The following B3GLCT variants were observed in gnomAD, a reference collection of about 807,000 sequenced individuals.
B3GLCT encodes beta 3-glucosyltransferase.
A neutral mutation model predicts 63.4 loss-of-function variants in B3GLCT; 65 were observed. That is an observed-to-expected ratio of 1.03 (90% CI 0.84 to 1.26). The LOEUF is 1.26. B3GLCT is among the 50% of genes most tolerant of loss of function. The pLI, the probability that B3GLCT is intolerant of heterozygous loss-of-function variation, is 0.00. For synonymous variants in B3GLCT, 233 were observed against 219.2 expected (o/e 1.06, Z -0.55); for missense variants, 577 against 604.8 (o/e 0.95, Z 0.48).
intron 4 of B3GLCT, among the ~76,000 whole-genome samples, chr13:31,243,829 G>A (rs969732974): frequency 4.6e-5 from 7 of 152,170 alleles, no homozygotes; most frequent in Admixed American, 4.6e-4. Flanking sequence ...GCTGATAAAG[G>A]CAGACTTTAA....
chr13:31,242,637 A>C (rs1344445340), intron 4 of B3GLCT, among the ~76,000 whole-genome samples: 5 of 152,240 alleles, frequency 3.3e-5, no homozygotes, highest in Non-Finnish European at 2.9e-5. Flanking sequence ...GATTCAAAGG[A>C]ATTTGGCTCC....
intron 12 of B3GLCT, among the ~76,000 whole-genome samples, chr13:31,290,772 A>G (rs184477276): frequency 6.6e-5 from 10 of 152,156 alleles, no homozygotes; most frequent in Non-Finnish European, 2.9e-5. Context: ...TCTTTGTCAG[A>G]TGGATAGATT....
intron 14 of B3GLCT, among the ~76,000 whole-genome samples, chr13:31,325,804 G>C (rs1049787249): frequency 1.3e-5 from 2 of 152,170 alleles, no homozygotes; most frequent in African/African-American, 4.8e-5. Flanking sequence ...AGAAATATGA[G>C]GCAAAGAGAT....
At chr13:31,287,317 G>A (rs1378145465) in intron 12 of B3GLCT, among the ~76,000 whole-genome samples, 2 of 152,086 alleles carry the variant, frequency 1.3e-5, no homozygotes, top group Non-Finnish European at 2.9e-5. Context: ...CCCGATGCTG[G>A]GGAAAGACCC....
intron 12 of B3GLCT, 133 bp from the exon 13 acceptor site, chr13:31,317,433 A>G: frequency 9.7e-7 from 1 of 1,031,948 alleles, no homozygotes; most frequent in East Asian, 2.4e-5. Flanking sequence ...TTTATAAGTC[A>G]CTCAAATTTC....
At chr13:31,309,639 G>A (rs920572258) in intron 12 of B3GLCT, among the ~76,000 whole-genome samples, 5 of 152,336 alleles carry the variant, frequency 3.3e-5, no homozygotes, top group African/African-American at 1.2e-4. Context: ...ATGAAGAGAT[G>A]TGTAGGGCAA....
intron 12 of B3GLCT, 52 bp from the exon 13 acceptor site, chr13:31,317,514 T>C (rs1875103480): frequency 6.2e-7 from 1 of 1,610,338 alleles, no homozygotes; most frequent in African/African-American, 1.3e-5. Context: ...AACTGTTCCA[T>C]AACCACGTTT....
At chr13:31,328,434 C>A (rs1875742366) in intron 14 of B3GLCT, among the ~76,000 whole-genome samples, 1 of 152,028 alleles carries the variant, frequency 6.6e-6, no homozygotes, top group African/African-American at 2.4e-5. Context: ...TGGCTCACGC[C>A]TGCAACCTCA....
chr13:31,264,746 T>C (rs1872209236), intron 7 of B3GLCT, among the ~76,000 whole-genome samples: 1 of 152,220 alleles, frequency 6.6e-6, no homozygotes, highest in Admixed American at 6.5e-5. Flanking sequence ...AGCTGCAACA[T>C]TGGATCTTCC....
chr13:31,222,810 T>C (rs993850746), intron 2 of B3GLCT, 142 bp from the exon 3 acceptor site: 4 of 656,654 alleles, frequency 6.1e-6, no homozygotes, highest in Non-Finnish European at 1.1e-5. Context: ...CTCATTTCTT[T>C]AGGGAAGCGT....
At chr13:31,298,459 G>A (rs1874065338) in intron 12 of B3GLCT, among the ~76,000 whole-genome samples, 1 of 152,166 alleles carries the variant, frequency 6.6e-6, no homozygotes, top group South Asian at 2.1e-4. Flanking sequence ...AGCTGGAGCG[G>A]TCTTGGCAAA....
At chr13:31,245,776 A>G (rs565629540) in intron 4 of B3GLCT, among the ~76,000 whole-genome samples, 4 of 152,112 alleles carry the variant, frequency 2.6e-5, no homozygotes, top group African/African-American at 7.2e-5. Context: ...TCATGAATAT[A>G]TATATTTGCT....
intron 14 of B3GLCT, among the ~76,000 whole-genome samples, chr13:31,326,366 C>G (rs1256642800): frequency 6.7e-6 from 1 of 148,248 alleles, no homozygotes; most frequent in Non-Finnish European, 1.5e-5. Flanking sequence ...TCACTGCAAC[C>G]TCTGCTTCCT....
At chr13:31,295,682 C>A (rs1046821594) in intron 12 of B3GLCT, among the ~76,000 whole-genome samples, 9 of 152,236 alleles carry the variant, frequency 5.9e-5, no homozygotes, top group Non-Finnish European at 1.3e-4. Context: ...GCTCGAGCAT[C>A]CCAGGGGGAC....
intron 12 of B3GLCT, among the ~76,000 whole-genome samples, chr13:31,292,340 G>A (rs1873706598): frequency 6.6e-6 from 1 of 152,136 alleles, no homozygotes; most frequent in South Asian, 2.1e-4. Context: ...GAGTTAGGGA[G>A]GATTCCCTCT....
At chr13:31,280,393 G>A (rs1195845106) in intron 10 of B3GLCT, among the ~76,000 whole-genome samples, 16 of 152,154 alleles carry the variant, frequency 1.1e-4, no homozygotes, top group Admixed American at 8.5e-4. Context: ...AACACTCTGT[G>A]GTAGAAATAC....
At chr13:31,244,385 G>C (rs958291996) in intron 4 of B3GLCT, among the ~76,000 whole-genome samples, 34 of 152,166 alleles carry the variant, frequency 2.2e-4, no homozygotes, top group African/African-American at 7.7e-4. Flanking sequence ...CCAGCTACTC[G>C]GGAGGCTGAG....
chr13:31,269,817 A>C (rs1872503913), intron 8 of B3GLCT, among the ~76,000 whole-genome samples: 1 of 152,302 alleles, frequency 6.6e-6, no homozygotes, highest in South Asian at 2.1e-4. Flanking sequence ...ATACAGCTAG[A>C]AGGTGCCATC....
chr13:31,284,800 G>A (rs1408236157), intron 11 of B3GLCT, 39 bp downstream of exon 11: 1 of 1,094,824 alleles, frequency 9.1e-7, no homozygotes, highest in Admixed American at 1.7e-5. Flanking sequence ...ATTAAACATT[G>A]CCATTCTGTA....
Sources: allele counts gnomAD v4.1 joint callset (sites outside exome capture counted in the v4.1 genomes callset), GRCh38; gene constraint gnomAD v4.1.1; transcripts MANE v1.5; gene names NCBI Gene and HGNC (gene_info 2026-07-23, HGNC 2026-07-21).